RERE: variants seen among roughly 807,000 people sequenced by gnomAD.
RERE encodes the protein arginine-glutamic acid dipeptide repeats, also known as arginine-glutamic acid dipeptide repeats protein.
A neutral mutation model predicts 146.1 loss-of-function variants in RERE; 40 were observed. That is an observed-to-expected ratio of 0.27 (90% CI 0.21 to 0.36). RERE has a LOEUF of 0.36. RERE is among the 10% of genes least tolerant of loss of function. The pLI is 1.00. For synonymous variants in RERE, 1,003 were observed against 866.0 expected (o/e 1.16, Z -2.78); for missense variants, 1,933 against 2,138.7 (o/e 0.90, Z 1.90).
chr1:8,586,122 A>G (rs1345942648), intron 4 of RERE, among the ~76,000 whole-genome samples: 1 of 152,350 alleles, frequency 6.6e-6, no homozygotes, highest in East Asian at 1.9e-4. Context: ...GCAGTAGATT[A>G]TCTAGGTCAA....
intron 1 of RERE, among the ~76,000 whole-genome samples, chr1:8,701,794 G>GAA (rs35328669): frequency 1.3e-5 from 2 of 149,438 alleles, no homozygotes; most frequent in African/African-American, 4.9e-5. Context: ...TACAGAGTTA[G>GAA]AAAAAAAAAA....
chr1:8,416,598 AAAAAG>A lies in RERE; in HGVS notation c.1284+6124_1284+6128del, dbSNP rs1224760336. ...GAGACTCCATCTCCAAAAAAAAAAA[AAAAAG>A]AAAAGAAAAGAAAAGAAAAGAAATC... On this transcript the variant is annotated intron_variant, in intron 12 of 22. Coordinates refer to ENST00000400908, the MANE Select transcript of RERE (RefSeq NM_001042681.2). Among the ~76,000 whole-genome samples, 1,257 of 147,644 alleles carry A rather than the reference AAAAAG, an allele frequency of 8.5e-3. 14 individuals carry two copies. The highest frequency in any genetic ancestry group is 0.028 in the African/African-American group (1,095 of 39,522).
chr1:8,626,110 A>C (rs886137881), intron 2 of RERE, among the ~76,000 whole-genome samples: 3 of 152,224 alleles, frequency 2.0e-5, no homozygotes, highest in African/African-American at 7.2e-5. Context: ...AATCATCTTA[A>C]GGGACAAGCA....
At position 8,428,917 on chromosome 1, in the gene RERE, C is replaced by T. The variant is rs557899011; in HGVS notation, c.1204-6110G>A. Among the ~76,000 whole-genome samples, 74 of 152,310 alleles carry T rather than the reference C, an allele frequency of 4.9e-4. 2 individuals carry two copies. In the South Asian group the frequency reaches 0.012, roughly 25 times the overall value. ...AGTCCCCCAAGCCTTGTGCCTCAGC[C>T]TCACTGGTCTGCCTAGATACTGGTC... On this transcript the variant is annotated intron_variant, in intron 11 of 22. Coordinates refer to ENST00000400908, the MANE Select transcript of RERE (RefSeq NM_001042681.2).
At chr1:8,502,460 T>G (rs1281816934) in intron 8 of RERE, among the ~76,000 whole-genome samples, 18 of 112,050 alleles carry the variant, frequency 1.6e-4, no homozygotes, top group East Asian at 2.9e-4. Flanking sequence ...TCCGGGAGGG[T>G]GGTGGGGGGG....
At chr1:8,551,480 A>G (rs1423255675) in intron 6 of RERE, among the ~76,000 whole-genome samples, 2 of 152,222 alleles carry the variant, frequency 1.3e-5, no homozygotes, top group East Asian at 3.8e-4. Context: ...AGGAATCTAA[A>G]TATCTAATCC....
At chr1:8,591,941 C>T (rs764868821) in intron 4 of RERE, among the ~76,000 whole-genome samples, 2 of 152,120 alleles carry the variant, frequency 1.3e-5, no homozygotes, top group African/African-American at 2.4e-5. Context: ...TCTAAAGGTG[C>T]CTACTATAAA....
At chr1:8,677,728 C>T (rs1638876011) in intron 1 of RERE, among the ~76,000 whole-genome samples, 1 of 152,036 alleles carries the variant, frequency 6.6e-6, no homozygotes, top group Admixed American at 6.6e-5. Flanking sequence ...TCTTCACTGA[C>T]AAAATGAAGA....
chr1:8,434,961 C>G (rs554299288), intron 11 of RERE: 34 of 152,350 alleles, frequency 2.2e-4, no homozygotes, highest in African/African-American at 8.2e-4. Context: ...GGAGCCATTC[C>G]TAAATTCTGG....
At chr1:8,728,431 G>C (rs536354559) in intron 1 of RERE, among the ~76,000 whole-genome samples, 1 of 148,034 alleles carries the variant, frequency 6.8e-6, no homozygotes, top group East Asian at 2.0e-4. Context: ...TTATTTTCTT[G>C]TTTGTTTCAA....
In RERE at chr1:8,589,165, C is replaced by T. The variant is rs1646462705; in HGVS notation, c.522+25396G>A. 2.6e-5 allele frequency among the ~76,000 whole-genome samples: 4 copies of T among 151,652 alleles called. 1 individual carries two copies. The South Asian group carries it at 8.3e-4, about 32-fold the overall frequency. ...AACAAAAACTACTGACAAGGCCAGGCGTGGTGGCTCACACCTGTAATCTCA... is the reference window on the plus strand; with the variant it reads ...AACAAAAACTACTGACAAGGCCAGGTGTGGTGGCTCACACCTGTAATCTCA... On this transcript the variant is annotated intron_variant, in intron 4 of 22. Coordinates refer to ENST00000400908, the MANE Select transcript of RERE (RefSeq NM_001042681.2).
At chr1:8,786,522 A>C (rs1641262178) in intron 1 of RERE, 1 of 790,100 alleles carries the variant, frequency 1.3e-6, no homozygotes, top group Non-Finnish European at 2.3e-6. Flanking sequence ...CCCATGTAAT[A>C]TATGGCTCTA....
chr1:8,478,961 C>T (rs1644796122), intron 10 of RERE, among the ~76,000 whole-genome samples: 1 of 152,130 alleles, frequency 6.6e-6, no homozygotes, highest in Admixed American at 6.5e-5. Context: ...AATAAATATC[C>T]TTATTCTTTG....
chr1:8,817,203 C>T lies in RERE; in HGVS notation c.-188G>A, dbSNP rs2124614860. ...ACCATCAATAGTGAGGTGTTCGCGG[C>T]CCAGCTCCGGGGAAAGTGGCGGGGA... is the stretch of plus-strand genomic sequence containing the variant. On this transcript the variant is annotated 5_prime_UTR_variant, in exon 1 of 23. Coordinates refer to ENST00000400908, the MANE Select transcript of RERE (RefSeq NM_001042681.2). The T allele has an allele frequency of 6.6e-6, 1 of 152,458 alleles. No individual in the cohort carries two copies. Among genetic ancestry groups the T allele is most frequent in the Non-Finnish European group, 1.5e-5 (1 of 68,148 alleles). The allele number at this position is 152,458 out of a possible 1,614,324, so 9.4% of individuals were successfully genotyped here.
chr1:8,404,417 CA>C (rs540856092), intron 12 of RERE, among the ~76,000 whole-genome samples: 2 of 143,714 alleles, frequency 1.4e-5, no homozygotes, highest in African/African-American at 2.6e-5. Flanking sequence ...GACTCTGTCT[CA>C]AAAAAAAAAC....
At chr1:8,587,368 T>G (rs1281841078) in intron 4 of RERE, among the ~76,000 whole-genome samples, 1 of 152,206 alleles carries the variant, frequency 6.6e-6, no homozygotes, top group Non-Finnish European at 1.5e-5. Flanking sequence ...CCAGCCCCAG[T>G]GCATCTAATA....
intron 7 of RERE, among the ~76,000 whole-genome samples, chr1:8,529,547 G>A (rs1025499497): frequency 2.7e-5 from 4 of 150,440 alleles, no homozygotes; most frequent in Admixed American, 6.6e-5. Flanking sequence ...TGATCCTCCC[G>A]CCTCGGCCTC....
At position 8,356,088 on chromosome 1, in the gene RERE, G is replaced by A; in HGVS notation, c.4486+12C>T. 1 of 1,489,888 alleles carries A rather than the reference G, an allele frequency of 6.7e-7. No homozygotes were observed. The highest frequency in any genetic ancestry group is 8.9e-7 in the Non-Finnish European group (1 of 1,122,894). The allele number at this position is 1,489,888 out of a possible 1,614,324, so 92.3% of individuals were successfully genotyped here. ...CACGGCCTCCCCGCCCCTCCTGGAG[G>A]GGAAGTCTTACCGAAAACTGGGTGG... is the stretch of plus-strand genomic sequence containing the variant. On this transcript the variant is annotated intron_variant, in intron 21 of 22. Transcript: ENST00000400908. This position sits in a 1 kb window ranked among gnomAD's most constrained non-coding sequence, Gnocchi z 5.2.
chr1:8,577,856 G>A (rs1355574848), intron 4 of RERE, among the ~76,000 whole-genome samples: 2 of 152,168 alleles, frequency 1.3e-5, no homozygotes, highest in Non-Finnish European at 2.9e-5. Flanking sequence ...GCACTTGGGA[G>A]GCCGAGATGG....
Sources: allele counts gnomAD v4.1 joint callset (sites outside exome capture counted in the v4.1 genomes callset), GRCh38; gene constraint gnomAD v4.1.1; non-coding constraint Gnocchi (gnomAD v3.1); transcripts MANE v1.5; gene names NCBI Gene and HGNC (gene_info 2026-07-23, HGNC 2026-07-21).